PLOD2: variants seen among roughly 807,000 people sequenced by gnomAD.
PLOD2 encodes the protein lysine hydroxylase 2.
Under a neutral mutation model 101.0 loss-of-function variants are expected in PLOD2, and 65 were observed. The observed-to-expected ratio is 0.64, with a 90% confidence interval of 0.53 to 0.79. The LOEUF (loss-of-function observed/expected upper bound fraction) is 0.79, where lower values mean the gene tolerates loss of function less well. Among genes scored for constraint, PLOD2 ranks in the 30% least tolerant of loss-of-function variants. The pLI is 0.00. For missense variants in PLOD2, 909 were observed against 914.6 expected (o/e 0.99, Z 0.08); for synonymous variants, 314 against 302.9 (o/e 1.04, Z -0.38).
chr3:146,138,158 G>T (rs2108120309), intron 1 of PLOD2, among the ~76,000 whole-genome samples: 1 of 152,230 alleles, frequency 6.6e-6, no homozygotes, highest in South Asian at 2.1e-4. Context: ...ACATGGGAAA[G>T]ATGATACCAC....
intron 4 of PLOD2, among the ~76,000 whole-genome samples, chr3:146,108,870 G>A (rs1008444655): frequency 1.3e-5 from 2 of 152,152 alleles, no homozygotes; most frequent in African/African-American, 4.8e-5. Context: ...AATAAAACAT[G>A]TCTCAGAGTC....
chr3:146,093,795 T>C (rs1294468404), intron 7 of PLOD2, among the ~76,000 whole-genome samples: 1 of 152,182 alleles, frequency 6.6e-6, no homozygotes, highest in Non-Finnish European at 1.5e-5. Context: ...AGAATCCCTA[T>C]ATGAATATTA....
At chr3:146,146,322 CTAAACATTTGGATG>C (rs1459241805) in intron 1 of PLOD2, among the ~76,000 whole-genome samples, 1 of 152,110 alleles carries the variant, frequency 6.6e-6, no homozygotes, top group Non-Finnish European at 1.5e-5. Context: ...TTCTTTGGAG[CTAAACATTTGGATG>C]TAAATTATAC....
At chr3:146,147,100 T>C (rs1475564267) in intron 1 of PLOD2, among the ~76,000 whole-genome samples, 1 of 152,132 alleles carries the variant, frequency 6.6e-6, no homozygotes, top group African/African-American at 2.4e-5. Context: ...GTAAAGTTAG[T>C]TCATATGAAA....
intron 1 of PLOD2, among the ~76,000 whole-genome samples, chr3:146,158,539 C>A (rs1376297574): frequency 1.3e-5 from 2 of 152,054 alleles, no homozygotes; most frequent in African/African-American, 4.8e-5. Context: ...TATTTGTTTT[C>A]AAAAATAATT....
intron 7 of PLOD2, among the ~76,000 whole-genome samples, chr3:146,097,139 C>A (rs1262136189): frequency 6.7e-6 from 1 of 149,594 alleles, no homozygotes; most frequent in Admixed American, 6.6e-5. Context: ...GGGGGTCAGC[C>A]CCCCGCCCGG....
intron 1 of PLOD2, among the ~76,000 whole-genome samples, chr3:146,131,192 T>C (rs1170637105): frequency 6.6e-6 from 1 of 152,242 alleles, no homozygotes; most frequent in Non-Finnish European, 1.5e-5. Flanking sequence ...GTGACTTCAC[T>C]GGAAAAGAAC....
intron 1 of PLOD2, among the ~76,000 whole-genome samples, chr3:146,159,195 C>A (rs1233669854): frequency 2.6e-5 from 4 of 152,188 alleles, no homozygotes; most frequent in African/African-American, 4.8e-5. Flanking sequence ...TGCCTGCTTA[C>A]CAAGTGACCA....
intron 1 of PLOD2, among the ~76,000 whole-genome samples, chr3:146,142,388 T>C (rs928782646): frequency 3.7e-4 from 57 of 152,228 alleles, no homozygotes; most frequent in African/African-American, 1.4e-3. Context: ...CTACCCCTCC[T>C]GGTGCTTCTC....
chr3:146,080,245 C>T (rs1252285683), intron 12 of PLOD2, among the ~76,000 whole-genome samples: 1 of 151,864 alleles, frequency 6.6e-6, no homozygotes, highest in Non-Finnish European at 1.5e-5. Context: ...TTTTTTCCTA[C>T]ACATATATAC....
intron 7 of PLOD2, among the ~76,000 whole-genome samples, chr3:146,096,408 T>G (rs2108040006): frequency 9.6e-6 from 1 of 104,654 alleles, no homozygotes; most frequent in South Asian, 3.7e-4. Context: ...GGAGCGTCTC[T>G]GCCCGGCCGC....
chr3:146,116,140 C>A (rs909059105), intron 3 of PLOD2, among the ~76,000 whole-genome samples: 10 of 152,092 alleles, frequency 6.6e-5, no homozygotes, highest in Admixed American at 2.0e-4. Context: ...TTCATCATAT[C>A]TTCACCTGAA....
intron 1 of PLOD2, among the ~76,000 whole-genome samples, chr3:146,142,872 G>A (rs2031589541): frequency 6.6e-6 from 1 of 152,112 alleles, no homozygotes; most frequent in Admixed American, 6.6e-5. Flanking sequence ...ACAAACCAAA[G>A]CTGACTCAGG....
intron 3 of PLOD2, among the ~76,000 whole-genome samples, chr3:146,118,077 G>C (rs768660068): frequency 6.6e-6 from 1 of 151,998 alleles, no homozygotes; most frequent in Non-Finnish European, 1.5e-5. Flanking sequence ...CAGAGCCAAA[G>C]TGAAAATGTA....
chr3:146,157,312 T>G (rs1315012898), intron 1 of PLOD2, among the ~76,000 whole-genome samples: 1 of 152,226 alleles, frequency 6.6e-6, no homozygotes, highest in Non-Finnish European at 1.5e-5. Context: ...AGTTTACAAT[T>G]TATTAAACAT....
chr3:146,079,109 A>G lies in PLOD2; in HGVS notation c.1500+7T>C. 6.2e-7 allele frequency: 1 copy of G among 1,612,350 alleles called. No individual in the cohort carries two copies. Reference sequence around the variant, plus strand: ...ACATTCAAGCAAGCCATCACTGCATATCTTACCATTTCTCTAGCATTTCGG... The same window carrying G: ...ACATTCAAGCAAGCCATCACTGCATGTCTTACCATTTCTCTAGCATTTCGG... On this transcript the variant is annotated splice_region_variant and intron_variant, in intron 13 of 19. Coordinates refer to ENST00000282903, the MANE Select transcript of PLOD2 (RefSeq NM_182943.3).
At chr3:146,121,436 C>T (rs1281743939) in intron 2 of PLOD2, among the ~76,000 whole-genome samples, 188 bp from the exon 3 acceptor site, 1 of 151,972 alleles carries the variant, frequency 6.6e-6, no homozygotes, top group Admixed American at 6.6e-5. Context: ...CAATGTTATC[C>T]ATCCCCAAAA....
intron 18 of PLOD2, 49 bp from the exon 19 acceptor site, chr3:146,071,216 A>G (rs1936116842): frequency 2.5e-6 from 4 of 1,610,800 alleles, no homozygotes; most frequent in Non-Finnish European, 3.4e-6. Context: ...TAAAAACATT[A>G]AAAAGAACAC....
chr3:146,107,805 G>A (rs1297215182), intron 4 of PLOD2, among the ~76,000 whole-genome samples: 3 of 151,342 alleles, frequency 2.0e-5, no homozygotes, highest in African/African-American at 4.9e-5. Flanking sequence ...CACCATGCCC[G>A]ACTAATTTTT....
Sources: allele counts gnomAD v4.1 joint callset (sites outside exome capture counted in the v4.1 genomes callset), GRCh38; gene constraint gnomAD v4.1.1; transcripts MANE v1.5; gene names NCBI Gene and HGNC (gene_info 2026-07-23, HGNC 2026-07-21).